The following NYAP2 variants were observed in gnomAD, a reference collection of about 807,000 sequenced individuals.
The protein encoded by NYAP2 is neuronal tyrosine-phosphorylated phosphoinositide-3-kinase adapter 2.
NYAP2 carries 23 observed loss-of-function variants against 50.4 expected under a neutral mutation model. That is an observed-to-expected ratio of 0.46 (90% CI 0.33 to 0.65). The LOEUF (loss-of-function observed/expected upper bound fraction) is 0.65, where lower values mean the gene tolerates loss of function less well. NYAP2 is among the 30% of genes least tolerant of loss of function. The probability of loss-of-function intolerance (pLI) is 0.02; values close to 1 mark genes in which losing one functional copy is unlikely to be tolerated. For missense variants in NYAP2, 885 were observed against 861.0 expected, an observed-to-expected ratio of 1.03 and a Z score of -0.35; for synonymous variants, 394 against 365.2, an observed-to-expected ratio of 1.08 and a Z score of -0.90.
At chr2:225,619,282 G>C (rs929850609) in intron 5 of NYAP2, among the ~76,000 whole-genome samples, 1 of 152,214 alleles carries the variant, frequency 6.6e-6, no homozygotes, top group Non-Finnish European at 1.5e-5. Flanking sequence ...AGTTTGTCTG[G>C]CTCTGAAGAC....
intron 6 of NYAP2, among the ~76,000 whole-genome samples, chr2:225,643,088 C>T (rs928431210): frequency 2.0e-5 from 3 of 152,042 alleles, no homozygotes; most frequent in Non-Finnish European, 4.4e-5. Context: ...TCTTTGAGGT[C>T]ATTCAATTAT....
chr2:225,631,443 G>T (rs1693314851), intron 6 of NYAP2, among the ~76,000 whole-genome samples: 1 of 152,092 alleles, frequency 6.6e-6, no homozygotes, highest in Non-Finnish European at 1.5e-5. Flanking sequence ...TATGAAGGAG[G>T]TAGGCAAAGA....
At chr2:225,583,001 G>A (rs750948758) in exon 5 of NYAP2, 58 of 1,611,808 alleles carry the variant, frequency 3.6e-5, no homozygotes, top group Middle Eastern at 1.6e-4. Flanking sequence ...TGCGCAAGTC[G>A]TCCAGTGGCC....
chr2:225,467,435 G>A (rs1689938100), intron 3 of NYAP2, among the ~76,000 whole-genome samples: 1 of 152,144 alleles, frequency 6.6e-6, no homozygotes, highest in African/African-American at 2.4e-5. Context: ...GATTGGGGTG[G>A]TGGGGGTTGT....
the NYAP2 span, among the ~76,000 whole-genome samples, chr2:225,684,654 C>T: frequency 2.6e-5 from 4 of 151,868 alleles, no homozygotes; most frequent in Non-Finnish European, 5.9e-5. Context: ...TGGGTTCAAG[C>T]GATTCTGCTG....
intron 3 of NYAP2, among the ~76,000 whole-genome samples, chr2:225,503,739 A>G (rs2106179222): frequency 6.6e-6 from 1 of 152,344 alleles, no homozygotes. Context: ...AGCCATGATT[A>G]CCCTAAGCTC....
Position 225,404,787 on chromosome 2 carries a change from G to T in NYAP2, c.-18+3744G>T, listed in dbSNP as rs113023022. Among the ~76,000 whole-genome samples, 443 of 152,096 alleles carry T rather than the reference G, an allele frequency of 2.9e-3. 1 individual carries two copies. Among genetic ancestry groups the T allele is most frequent in the African/African-American group, 0.01 (425 of 41,526 alleles). ...TTATATTAGAATGGTGATGATTCTA[G>T]ATACAGTAATCTAAAAACTTAAACA... is the stretch of plus-strand genomic sequence containing the variant. On this transcript the variant is annotated intron_variant, in intron 2 of 6. Coordinates refer to ENST00000636099, the Ensembl canonical transcript of NYAP2.
intron 5 of NYAP2, among the ~76,000 whole-genome samples, chr2:225,624,840 G>T (rs566676927): frequency 1.6e-4 from 25 of 151,560 alleles, no homozygotes; most frequent in African/African-American, 4.8e-4. Flanking sequence ...TGTTTTGTAC[G>T]TAAGAAAAAT....
intron 3 of NYAP2, among the ~76,000 whole-genome samples, chr2:225,411,164 T>G (rs1482536129): frequency 6.6e-6 from 1 of 152,268 alleles, no homozygotes; most frequent in East Asian, 1.9e-4. Context: ...TGTTGAGAGA[T>G]AATGTTGGTT....
At chr2:225,700,188 G>A in the NYAP2 span, 1 of 151,680 alleles carries the variant, frequency 6.6e-6, no homozygotes, top group Non-Finnish European at 1.5e-5. Flanking sequence ...GTTATAACAT[G>A]ATTTTCTAAT....
intron 4 of NYAP2, among the ~76,000 whole-genome samples, chr2:225,540,360 T>C (rs1285384650): frequency 6.6e-6 from 1 of 152,226 alleles, no homozygotes; most frequent in East Asian, 1.9e-4. Context: ...AGAGTTTTAT[T>C]GGACTTACAG....
chr2:225,404,840 C>T (rs1694913818), intron 2 of NYAP2, among the ~76,000 whole-genome samples: 1 of 151,856 alleles, frequency 6.6e-6, no homozygotes, highest in Non-Finnish European at 1.5e-5. Context: ...ATGCAGAATA[C>T]CACAGTGGAG....
intron 5 of NYAP2, among the ~76,000 whole-genome samples, chr2:225,596,958 G>T (rs1048548245): frequency 2.6e-5 from 4 of 152,186 alleles, no homozygotes; most frequent in South Asian, 2.1e-4. Flanking sequence ...GAATAAAAGT[G>T]TACCTTCATT....
intron 3 of NYAP2, among the ~76,000 whole-genome samples, chr2:225,496,505 C>T (rs1301333252): frequency 6.6e-6 from 1 of 152,058 alleles, no homozygotes; most frequent in Non-Finnish European, 1.5e-5. Context: ...CCTGTATTTT[C>T]CAAGGTTTGC....
the NYAP2 span, among the ~76,000 whole-genome samples, chr2:225,671,972 A>C: frequency 6.6e-6 from 1 of 152,054 alleles, no homozygotes; most frequent in African/African-American, 2.4e-5. Flanking sequence ...CTGTAAACAG[A>C]TGTACTGGCA....
intron 3 of NYAP2, among the ~76,000 whole-genome samples, chr2:225,481,295 G>T (rs1690203108): frequency 6.6e-6 from 1 of 151,804 alleles, no homozygotes; most frequent in African/African-American, 2.4e-5. Context: ...TTCACTAAAT[G>T]GTCAAATTAT....
At chr2:225,424,420 G>C (rs1695257392) in intron 3 of NYAP2, among the ~76,000 whole-genome samples, 1 of 151,920 alleles carries the variant, frequency 6.6e-6, no homozygotes, top group African/African-American at 2.4e-5. Flanking sequence ...ACTGTAAGAA[G>C]AGTCATCCAT....
chr2:225,647,801 A>C (rs1693659337), intron 6 of NYAP2, among the ~76,000 whole-genome samples: 1 of 152,132 alleles, frequency 6.6e-6, no homozygotes, highest in Non-Finnish European at 1.5e-5. Flanking sequence ...AGAAAACAAG[A>C]TCACAGGATG....
the NYAP2 span, among the ~76,000 whole-genome samples, chr2:225,678,437 T>C: frequency 2.0e-5 from 3 of 152,150 alleles, no homozygotes; most frequent in Non-Finnish European, 4.4e-5. Flanking sequence ...ATTTTATTTA[T>C]TTATGTATTT....
Sources: gnomAD v4.1 joint callset for allele counts (sites outside exome capture counted in the v4.1 genomes callset) on GRCh38, gnomAD v4.1.1 for gene constraint, MANE v1.5 for transcripts, NCBI Gene and HGNC (gene_info 2026-07-23, HGNC 2026-07-21) for gene names.